Variants in TGM7 observed in about 807,000 individuals in gnomAD.
The protein encoded by TGM7 is transglutaminase 7.
Under a neutral mutation model 79.5 loss-of-function variants are expected in TGM7, and 74 were observed. The observed-to-expected ratio is 0.93, with a 90% CI of 0.77 to 1.13. The LOEUF (loss-of-function observed/expected upper bound fraction) is 1.13. Among genes scored for constraint, TGM7 ranks in the 50% most tolerant of loss-of-function variants. The pLI is 0.00. For missense variants in TGM7, 912 were observed against 905.9 expected, an observed-to-expected ratio of 1.01 and a Z score of -0.09; for synonymous variants, 354 against 362.5, an observed-to-expected ratio of 0.98 and a Z score of 0.27.
intron 1 of TGM7, among the ~76,000 whole-genome samples, chr15:43,299,600 G>A (rs1448956833): frequency 6.6e-6 from 1 of 152,206 alleles, no homozygotes; most frequent in East Asian, 1.9e-4. Flanking sequence ...GACAACAAAG[G>A]GCAAATTCTA....
chr15:43,301,978 C>T, intron 1 of TGM7: 2 of 535,952 alleles, frequency 3.7e-6, no homozygotes, highest in Non-Finnish European at 6.7e-6. Flanking sequence ...GCTCCTCAGA[C>T]TTCCCAAGGC....
In TGM7 at chr15:43,279,925, T is replaced by G; in HGVS notation, c.1378A>C (p.Met460Leu). 1 of 1,614,094 alleles carries G rather than the reference T, an allele frequency of 6.2e-7. No homozygotes were observed. Among genetic ancestry groups the G allele is most frequent in the Non-Finnish European group, 8.5e-7 (1 of 1,180,000 alleles). ...EGSPEERAVF[M>L]KASRKMLGPQ... ...CCCAGCATTTTCCGAGAAGCCTTCATGAAGACAGCTCTCTCCTCAGGGGAT... is the reference window on the plus strand; with the variant it reads ...CCCAGCATTTTCCGAGAAGCCTTCAGGAAGACAGCTCTCTCCTCAGGGGAT... The change falls in exon 10 of 13, where the codon ATG becomes CTG. Residue 460 changes from methionine to leucine, a missense_variant. Transcript: ENST00000452443.
chr15:43,277,493 T>A (rs1468487195), intron 11 of TGM7, among the ~76,000 whole-genome samples: 1 of 152,228 alleles, frequency 6.6e-6, no homozygotes, highest in African/African-American at 2.4e-5. Flanking sequence ...GATGTGTTAA[T>A]GGCAGAGCCA....
intron 2 of TGM7, 110 bp downstream of exon 2, chr15:43,293,339 A>C (rs1427985057): frequency 1.5e-6 from 2 of 1,375,308 alleles, no homozygotes; most frequent in East Asian, 2.3e-5. Flanking sequence ...CTCCCAGGAC[A>C]AGAAAGTGGA....
rs373360169 is a variant in TGM7, at chr15:43,287,494, G to A, written c.688-37C>T. ...AGACAGGTGGGTTTCCACAGCTCCCGGGGAAGCTCAGACTGTCCTCAGACG... is the reference window on the plus strand; with the variant it reads ...AGACAGGTGGGTTTCCACAGCTCCCAGGGAAGCTCAGACTGTCCTCAGACG... On this transcript the variant is annotated intron_variant, in intron 5 of 12. Transcript: ENST00000452443. The A allele has an allele frequency of 7.1e-5, 115 of 1,612,780 alleles. No individual in the cohort carries two copies. In the African/African-American group the frequency reaches 8.9e-4, roughly 13 times the overall value.
In TGM7 at chr15:43,279,913, G is replaced by C. The variant is rs150608262; in HGVS notation, c.1390C>G (p.Arg464Gly). The C allele has an allele frequency of 6.2e-7, 1 of 1,614,216 alleles. No individual in the cohort carries two copies. Among genetic ancestry groups the C allele is most frequent in the Admixed American group, 1.7e-5 (1 of 60,034 alleles). Residue 464 changes from arginine (R) to glycine (G), a missense_variant, in exon 10 of 13, where the codon CGG becomes GGG. By Grantham distance (125) the Arg-to-Gly change is moderately radical (BLOSUM62 -2). Transcript: ENST00000452443. The part of the protein sequence containing the change: ...EERAVFMKAS[R>G]KMLGPQRASL... ...GCTCTTTGGGGGCCCAGCATTTTCC[G>C]AGAAGCCTTCATGAAGACAGCTCTC... is the stretch of plus-strand genomic sequence containing the variant.
In TGM7 at chr15:43,293,433, G is replaced by C. The variant is rs1438872726; in HGVS notation, c.193+16C>G. ...TTTGACGGAACCTGCGGGGCCTTGG[G>C]ACAGGGCAAACTCACCGGTCTCAGC... On this transcript the variant is annotated intron_variant, in intron 2 of 12. Coordinates refer to ENST00000452443, the MANE Select transcript of TGM7 (RefSeq NM_052955.3). The C allele has an allele frequency of 1.3e-6, 2 of 1,583,826 alleles. No homozygotes were observed. The highest frequency in any genetic ancestry group is 1.1e-5 in the South Asian group (1 of 88,692).
At chr15:43,299,007 C>A (rs1217228714) in intron 1 of TGM7, among the ~76,000 whole-genome samples, 2 of 151,060 alleles carry the variant, frequency 1.3e-5, no homozygotes, top group African/African-American at 4.9e-5. Flanking sequence ...AAAAAAGGAG[C>A]AAAGATTACA....
chr15:43,297,463 GAA>G (rs1167978847), intron 1 of TGM7, among the ~76,000 whole-genome samples: 1 of 146,802 alleles, frequency 6.8e-6, no homozygotes, highest in East Asian at 2.0e-4. Flanking sequence ...AAAAAAGAGA[GAA>G]AGAGAGACAG....
In TGM7 at chr15:43,282,504, G is replaced by A; in HGVS notation, c.1108+13C>T. 1 of 1,571,748 alleles carries A rather than the reference G, an allele frequency of 6.4e-7. No individual in the cohort carries two copies. The highest frequency in any genetic ancestry group is 2.3e-5 in the East Asian group (1 of 43,202). ...CCACAGAGCCAGAGCCTGTTGCAAT[G>A]GTCCTCACTCACCACTGCTGGTCTG... On this transcript the variant is annotated intron_variant, in intron 8 of 12. Coordinates refer to ENST00000452443, the MANE Select transcript of TGM7 (RefSeq NM_052955.3).
At chr15:43,286,330 C>A (rs2042935633) in intron 6 of TGM7, among the ~76,000 whole-genome samples, 1 of 152,158 alleles carries the variant, frequency 6.6e-6, no homozygotes, top group African/African-American at 2.4e-5. Context: ...TCGTCCTTCT[C>A]CTGCTCATCC....
At chr15:43,295,388 C>G (rs990481405) in intron 1 of TGM7, among the ~76,000 whole-genome samples, 1 of 152,094 alleles carries the variant, frequency 6.6e-6, no homozygotes, top group Admixed American at 6.5e-5. Context: ...GTCAGGAGTT[C>G]GAGACCAACC....
At chr15:43,281,785 G>C in intron 9 of TGM7, 59 bp downstream of exon 9, 6 of 1,592,782 alleles carry the variant, frequency 3.8e-6, no homozygotes, top group Non-Finnish European at 5.1e-6. Flanking sequence ...AGCCATCCCA[G>C]CTAGGAAGCA....
At chr15:43,282,488 C>CA (rs778070564) in intron 8 of TGM7, 29 bp downstream of exon 8, 9 of 1,553,566 alleles carry the variant, frequency 5.8e-6, no homozygotes, top group Non-Finnish European at 7.0e-6. Context: ...CCCACAGAGC[C>CA]AGAGCCTGTT....
chr15:43,290,478 T>C (rs906076169), intron 4 of TGM7, among the ~76,000 whole-genome samples: 3 of 152,250 alleles, frequency 2.0e-5, no homozygotes, highest in African/African-American at 4.8e-5. Flanking sequence ...CCTTGTAGTA[T>C]AGTTTGAAGT....
chr15:43,294,790 A>C (rs1596465132), intron 1 of TGM7, among the ~76,000 whole-genome samples: 1 of 152,360 alleles, frequency 6.6e-6, no homozygotes, highest in East Asian at 1.9e-4. Flanking sequence ...GCTGCTAAGC[A>C]GCATCCTAAA....
intron 4 of TGM7, among the ~76,000 whole-genome samples, chr15:43,291,336 G>A (rs185770527): frequency 2.2e-4 from 33 of 152,248 alleles, no homozygotes; most frequent in East Asian, 5.8e-4. Flanking sequence ...AGTTTTTGTC[G>A]TTGGTTCTGT....
In TGM7 at chr15:43,292,957, G is replaced by T; in HGVS notation, c.194-3C>A. ...CAGCAGCTCTGACGGCTTGGGTCCT[G>T]TGTAGGAGAGAATGACCCCACAGTG... is the stretch of plus-strand genomic sequence containing the variant. On this transcript the variant is annotated splice_region_variant and splice_polypyrimidine_tract_variant and intron_variant, in intron 2 of 12. Transcript: ENST00000452443. The T allele has an allele frequency of 6.2e-7, 1 of 1,612,794 alleles. No individual in the cohort carries two copies. The highest frequency in any genetic ancestry group is 8.5e-7 in the Non-Finnish European group (1 of 1,179,648).
At position 43,292,894 on chromosome 15, in the gene TGM7, G is replaced by C; in HGVS notation, c.254C>G (p.Pro85Arg). ...ATCAGAAGCGCTCCAGACATTCCCGGGCTGGACCCGGGTGAGGAAGAATGT... is the reference window on the plus strand; with the variant it reads ...ATCAGAAGCGCTCCAGACATTCCCGCGCTGGACCCGGGTGAGGAAGAATGT... ...RATFFLTRVQPGNVWSASDFT... is the reference protein window; with the variant it reads ...RATFFLTRVQRGNVWSASDFT... Residue 85 changes from proline to arginine, a missense_variant, in exon 3 of 13, where the codon CCC becomes CGC. Pro to Arg is a moderately radical substitution (Grantham distance 103, BLOSUM62 -2). Transcript: ENST00000452443. 2 of 1,613,888 alleles carry C rather than the reference G, an allele frequency of 1.2e-6. No individual in the cohort carries two copies. The highest frequency in any genetic ancestry group is 1.7e-6 in the Non-Finnish European group (2 of 1,179,980).
Sources: allele counts gnomAD v4.1 joint callset (sites outside exome capture counted in the v4.1 genomes callset), GRCh38; gene constraint gnomAD v4.1.1; transcripts MANE v1.5; gene names NCBI Gene and HGNC (gene_info 2026-07-23, HGNC 2026-07-21).